The following RBMS3 variants were observed in gnomAD, a reference collection of about 807,000 sequenced individuals.
RBMS3 encodes the protein RNA-binding motif, single-stranded-interacting protein 3.
RBMS3 carries 27 observed loss-of-function variants against 66.8 expected under a neutral mutation model. The ratio of observed to expected loss-of-function variants is 0.40; its 90% confidence interval spans 0.30 to 0.56. RBMS3 has a LOEUF of 0.56. Among genes scored for constraint, RBMS3 ranks in the 20% least tolerant of loss-of-function variants. The pLI is 0.40. For synonymous variants in RBMS3, 188 were observed against 183.0 expected (o/e 1.03, Z -0.22); for missense variants, 513 against 549.5 (o/e 0.93, Z 0.66).
chr3:29,475,210 T>C (rs1460181012), intron 2 of RBMS3, among the ~76,000 whole-genome samples: 3 of 152,050 alleles, frequency 2.0e-5, no homozygotes, highest in Non-Finnish European at 4.4e-5. Context: ...TACAATGCAT[T>C]TGTCAGTAAG....
At chr3:29,543,646 G>T (rs1380472186) in intron 3 of RBMS3, among the ~76,000 whole-genome samples, 1 of 152,160 alleles carries the variant, frequency 6.6e-6, no homozygotes, top group Non-Finnish European at 1.5e-5. Context: ...GGAGGTGGTG[G>T]TTGCAGTGAA....
intron 3 of RBMS3, chr3:29,526,166 A>C (rs905456972): frequency 6.6e-6 from 1 of 152,088 alleles, no homozygotes; most frequent in Non-Finnish European, 1.5e-5. Context: ...CCAGCCCATA[A>C]GTGCTGATGT....
At chr3:29,336,105 A>C (rs1421390232) in intron 1 of RBMS3, among the ~76,000 whole-genome samples, 1 of 152,188 alleles carries the variant, frequency 6.6e-6, no homozygotes, top group Non-Finnish European at 1.5e-5. Flanking sequence ...GGCATCTTTA[A>C]CAAATATGTG....
chr3:29,327,745 T>C (rs1371224187), intron 1 of RBMS3, among the ~76,000 whole-genome samples: 2 of 151,998 alleles, frequency 1.3e-5, no homozygotes, highest in African/African-American at 4.8e-5. Flanking sequence ...TGTAAGGGAG[T>C]ATTTTAGCCA....
intron 4 of RBMS3, among the ~76,000 whole-genome samples, chr3:29,699,341 G>A (rs1471007402): frequency 6.6e-6 from 1 of 152,100 alleles, no homozygotes; most frequent in African/African-American, 2.4e-5. Flanking sequence ...AGTAGAGTCA[G>A]GGTTTCATTT....
chr3:29,898,812 A>G (rs2060187212), intron 9 of RBMS3, among the ~76,000 whole-genome samples: 1 of 150,160 alleles, frequency 6.7e-6, no homozygotes, highest in African/African-American at 2.5e-5. Context: ...AGCCAAGACC[A>G]CCCATTAAGC....
chr3:29,592,640 C>G (rs1017607628), intron 4 of RBMS3, among the ~76,000 whole-genome samples: 1 of 152,124 alleles, frequency 6.6e-6, no homozygotes, highest in Non-Finnish European at 1.5e-5. Context: ...CCATTTGACC[C>G]AGTGATCCCA....
chr3:29,954,126 T>G (rs933201375), intron 12 of RBMS3, among the ~76,000 whole-genome samples: 1 of 150,670 alleles, frequency 6.6e-6, no homozygotes, highest in Non-Finnish European at 1.5e-5. Context: ...TAGATCCTTC[T>G]TGCCTCAAGA....
At chr3:29,352,841 A>G (rs1405962815) in intron 1 of RBMS3, among the ~76,000 whole-genome samples, 3 of 151,558 alleles carry the variant, frequency 2.0e-5, no homozygotes, top group Non-Finnish European at 4.4e-5. Flanking sequence ...AATATGCAAT[A>G]TTTGTCTTTC....
chr3:29,484,261 A>G (rs1370325602), intron 2 of RBMS3, among the ~76,000 whole-genome samples: 18 of 152,254 alleles, frequency 1.2e-4, no homozygotes, highest in Admixed American at 1.2e-3. Flanking sequence ...TAGAACTGCC[A>G]TAACAAAGTA....
chr3:29,998,906 C>T (rs1690581196), intron 14 of RBMS3, among the ~76,000 whole-genome samples: 1 of 151,944 alleles, frequency 6.6e-6, no homozygotes, highest in Non-Finnish European at 1.5e-5. Context: ...CAACAAAAGC[C>T]AAAATTGACA....
At chr3:29,459,567 T>C (rs998114321) in intron 2 of RBMS3, among the ~76,000 whole-genome samples, 7 of 152,212 alleles carry the variant, frequency 4.6e-5, no homozygotes, top group African/African-American at 1.7e-4. Flanking sequence ...ATTCAGTCTT[T>C]CACTCATTTA....
intron 4 of RBMS3, among the ~76,000 whole-genome samples, chr3:29,732,593 G>GT (rs143387553): frequency 0.019 from 2,967 of 152,174 alleles, 114 homozygotes; most frequent in African/African-American, 0.067. Flanking sequence ...TAGAGGTGCA[G>GT]TAACTATCAC....
intron 6 of RBMS3, among the ~76,000 whole-genome samples, chr3:29,769,658 A>G (rs2056109426): frequency 6.6e-6 from 1 of 151,864 alleles, no homozygotes. Flanking sequence ...TCCAAACCAG[A>G]GTATTTTTCA....
chr3:29,435,122 T>A, intron 2 of RBMS3: 2 of 558,882 alleles, frequency 3.6e-6, no homozygotes, highest in South Asian at 5.5e-5. Context: ...TGGAAGTTCT[T>A]GAGCACATAT....
At chr3:29,635,595 C>A (rs1288103462) in intron 4 of RBMS3, among the ~76,000 whole-genome samples, 1 of 151,812 alleles carries the variant, frequency 6.6e-6, no homozygotes, top group Non-Finnish European at 1.5e-5. Context: ...CTATCCTCAA[C>A]ACTAAAGGCA....
chr3:29,536,625 A>G (rs1257377014), intron 3 of RBMS3, among the ~76,000 whole-genome samples: 2 of 152,200 alleles, frequency 1.3e-5, no homozygotes, highest in Admixed American at 6.5e-5. Context: ...CCAACCTCAT[A>G]TGTTAGCCGT....
chr3:29,482,927 C>T (rs1021190058), intron 2 of RBMS3, among the ~76,000 whole-genome samples: 1 of 151,374 alleles, frequency 6.6e-6, no homozygotes, highest in Non-Finnish European at 1.5e-5. Context: ...AGGCTGGTCT[C>T]GAACTCCTAA....
chr3:29,495,838 T>C (rs2043727605), intron 3 of RBMS3, among the ~76,000 whole-genome samples: 1 of 152,096 alleles, frequency 6.6e-6, no homozygotes, highest in Non-Finnish European at 1.5e-5. Flanking sequence ...TATGGATTAG[T>C]TTTAACAAGT....
Sources: gnomAD v4.1 joint callset for allele counts (sites outside exome capture counted in the v4.1 genomes callset) on GRCh38, gnomAD v4.1.1 for gene constraint, MANE v1.5 for transcripts, NCBI Gene and HGNC (gene_info 2026-07-23, HGNC 2026-07-21) for gene names.